KMO: variants seen among roughly 807,000 people sequenced by gnomAD.
KMO encodes the protein kynurenine 3-hydroxylase.
In KMO, 24 loss-of-function variants were observed where a neutral mutation model predicts 57.8. The observed-to-expected ratio is 0.42, with a 90% confidence interval of 0.30 to 0.58. The LOEUF (loss-of-function observed/expected upper bound fraction) is 0.58, where lower values mean the gene tolerates loss of function less well. Ranked by LOEUF, KMO falls within the 20% of genes least tolerant of loss-of-function variation. The probability of loss-of-function intolerance (pLI) is 0.22; values close to 1 mark genes in which losing one functional copy is unlikely to be tolerated. For synonymous variants in KMO, 210 were observed against 193.6 expected, an observed-to-expected ratio of 1.08 and a Z score of -0.70; for missense variants, 483 against 588.2, an observed-to-expected ratio of 0.82 and a Z score of 1.85.
At chr1:241,551,554 G>A (rs1387665695) in intron 4 of KMO, among the ~76,000 whole-genome samples, 1 of 152,158 alleles carries the variant, frequency 6.6e-6, no homozygotes, top group Non-Finnish European at 1.5e-5. Flanking sequence ...GTTTATGAAA[G>A]GAGACTCATT....
intron 12 of KMO, 44 bp downstream of exon 12, chr1:241,588,874 A>C (rs756333090): frequency 4.5e-6 from 6 of 1,347,348 alleles, no homozygotes; most frequent in Non-Finnish European, 6.4e-6. Context: ...TGGTTCACTG[A>C]TATTCTAACA....
At chr1:241,538,764 C>A (rs1286025903) in intron 1 of KMO, among the ~76,000 whole-genome samples, 1 of 152,166 alleles carries the variant, frequency 6.6e-6, no homozygotes, top group African/African-American at 2.4e-5. Context: ...CCCACTCTCA[C>A]CTCAGGGAAT....
intron 4 of KMO, among the ~76,000 whole-genome samples, chr1:241,555,285 A>T (rs988837138): frequency 2.0e-5 from 3 of 152,194 alleles, no homozygotes; most frequent in Non-Finnish European, 4.4e-5. Flanking sequence ...TTGGAGACCT[A>T]AGCTGAAAAT....
intron 1 of KMO, among the ~76,000 whole-genome samples, chr1:241,535,830 C>T (rs993973874): frequency 1.3e-5 from 2 of 152,210 alleles, no homozygotes; most frequent in Non-Finnish European, 2.9e-5. Context: ...GCAGGACAAT[C>T]AACCTGTGAA....
intron 10 of KMO, among the ~76,000 whole-genome samples, chr1:241,583,158 C>T (rs946792522): frequency 6.6e-6 from 1 of 152,080 alleles, no homozygotes; most frequent in Non-Finnish European, 1.5e-5. Context: ...AGTTTTTCTC[C>T]CCATGCTAGG....
chr1:241,566,550 C>T lies in KMO; in HGVS notation c.747C>T (p.Thr249=). 1 of 1,613,136 alleles carries T rather than the reference C, an allele frequency of 6.2e-7. No homozygotes were observed. The highest frequency in any genetic ancestry group is 8.5e-7 in the Non-Finnish European group (1 of 1,179,196). ...MPFEEFEKLL[T]SNDVVDFFQK... is the part of the protein sequence containing the mutation. The stretch of plus-strand genomic sequence containing the variant: ...TTGAAGAGTTTGAAAAACTTCTAAC[C>T]AGTAATGATGTGGTAGATTTCTTCC... Residue 249 remains threonine, a synonymous_variant, in exon 9 of 15, where the codon ACC becomes ACT. Coordinates refer to ENST00000366559, the MANE Select transcript of KMO (RefSeq NM_003679.5).
chr1:241,547,261 A>G (rs1202424564), intron 1 of KMO, among the ~76,000 whole-genome samples: 3 of 152,210 alleles, frequency 2.0e-5, no homozygotes, highest in Non-Finnish European at 2.9e-5. Flanking sequence ...AATTGCATTA[A>G]TAATAAAATA....
intron 4 of KMO, among the ~76,000 whole-genome samples, chr1:241,552,477 C>A (rs1167280716): frequency 6.6e-6 from 1 of 152,168 alleles, no homozygotes; most frequent in Non-Finnish European, 1.5e-5. Context: ...CCTGTGGGAG[C>A]ACAAAGCCAT....
At chr1:241,568,679 A>C in intron 10 of KMO, 32 bp downstream of exon 10, 1 of 1,605,280 alleles carries the variant, frequency 6.2e-7, no homozygotes, top group Non-Finnish European at 8.5e-7. Context: ...AAGTCCCTCA[A>C]ATACTTCTGG....
intron 1 of KMO, among the ~76,000 whole-genome samples, chr1:241,539,781 C>T (rs895606128): frequency 8.5e-5 from 13 of 152,134 alleles, no homozygotes; most frequent in African/African-American, 2.9e-4. Flanking sequence ...CAGGAGCCAA[C>T]GGGGCAGGTA....
At chr1:241,585,039 A>G (rs1048874526) in intron 10 of KMO, among the ~76,000 whole-genome samples, 4 of 152,000 alleles carry the variant, frequency 2.6e-5, no homozygotes, top group African/African-American at 9.7e-5. Flanking sequence ...CAGCCTGGTC[A>G]ACATGGTGAA....
rs1358037760 is a variant in KMO at position 241,556,592 on chromosome 1, CT to C, written c.361+936del. On this transcript the variant is annotated intron_variant, in intron 5 of 14. Coordinates refer to ENST00000366559, the MANE Select transcript of KMO (RefSeq NM_003679.5). ...TGCAAAGTGACACAATTAGATTTGCCTTTTGGGCCAGGCGTGGTGGCTCACG... is the reference window on the plus strand; with the variant it reads ...TGCAAAGTGACACAATTAGATTTGCCTTTGGGCCAGGCGTGGTGGCTCACG... 2.6e-5 allele frequency among the ~76,000 whole-genome samples: 4 copies of C among 152,262 alleles called. No individual in the cohort carries two copies. The East Asian group carries it at 7.7e-4, about 29-fold the overall frequency.
chr1:241,538,857 T>C (rs898519154), intron 1 of KMO, among the ~76,000 whole-genome samples: 3 of 152,316 alleles, frequency 2.0e-5, no homozygotes, highest in Admixed American at 1.3e-4. Flanking sequence ...CTCCAGACTT[T>C]GTTAAGTGCC....
At chr1:241,567,916 G>C (rs1662143654) in intron 9 of KMO, among the ~76,000 whole-genome samples, 1 of 152,148 alleles carries the variant, frequency 6.6e-6, no homozygotes, top group African/African-American at 2.4e-5. Context: ...CTCTTCTACA[G>C]ATGCTTTACA....
chr1:241,551,195 A>C, intron 4 of KMO, 151 bp downstream of exon 4: 1 of 556,444 alleles, frequency 1.8e-6, no homozygotes, highest in African/African-American at 2.0e-5. Context: ...CTAGTTGGCA[A>C]GTTTATTCAG....
rs542689531 is a variant in KMO at position 241,534,082 on chromosome 1, CAAG to C, written c.54+1589_54+1591del. Among the ~76,000 whole-genome samples the C allele has an allele frequency of 7.3e-4, 111 of 152,294 alleles. 1 individual carries two copies. Among genetic ancestry groups the C allele is most frequent in the African/African-American group, 2.5e-3 (103 of 41,562 alleles). On this transcript the variant is annotated intron_variant, in intron 1 of 14. Coordinates refer to ENST00000366559, the MANE Select transcript of KMO (RefSeq NM_003679.5). ...TCTTGTAGGATCTTAGAGGTCCAGG[CAAG>C]AAGATCAGATTTTGTTCAAATTACA...
chr1:241,551,995 A>G (rs922601613), intron 4 of KMO, among the ~76,000 whole-genome samples: 2 of 130,720 alleles, frequency 1.5e-5, no homozygotes, highest in Admixed American at 1.7e-4. Context: ...TTGTATTAAC[A>G]AGGAATGTCC....
chr1:241,578,860 T>C (rs773022928), intron 10 of KMO, among the ~76,000 whole-genome samples: 3 of 152,102 alleles, frequency 2.0e-5, no homozygotes, highest in Admixed American at 6.6e-5. Flanking sequence ...GCCTCACAAT[T>C]ATGGTGGAAG....
At chr1:241,545,596 G>A (rs1661117846) in intron 1 of KMO, among the ~76,000 whole-genome samples, 1 of 152,050 alleles carries the variant, frequency 6.6e-6, no homozygotes, top group Admixed American at 6.6e-5. Context: ...CCACCCTAAT[G>A]ATATCATCTT....
Sources: allele counts gnomAD v4.1 joint callset (sites outside exome capture counted in the v4.1 genomes callset), GRCh38; gene constraint gnomAD v4.1.1; transcripts MANE v1.5; gene names NCBI Gene and HGNC (gene_info 2026-07-23, HGNC 2026-07-21).